Variants in ASIC2 observed in about 807,000 individuals in gnomAD.
ASIC2 encodes acid sensing ion channel subunit 2, also known as acid-sensing ion channel 2.
A neutral mutation model predicts 57.3 loss-of-function variants in ASIC2; 25 were observed. The observed-to-expected ratio is 0.44, with a 90% CI of 0.32 to 0.61. ASIC2 has a LOEUF of 0.61. Ranked by LOEUF, ASIC2 falls within the 20% of genes least tolerant of loss-of-function variation. The pLI is 0.06. For synonymous variants in ASIC2, 319 were observed against 307.5 expected, an observed-to-expected ratio of 1.04 and a Z score of -0.39; for missense variants, 641 against 738.1, an observed-to-expected ratio of 0.87 and a Z score of 1.52.
At chr17:33,867,788 G>A (rs1914281532) in intron 1 of ASIC2, among the ~76,000 whole-genome samples, 1 of 152,190 alleles carries the variant, frequency 6.6e-6, no homozygotes, top group South Asian at 2.1e-4. Flanking sequence ...CTTTTTCTGG[G>A]ATCATGTCTA....
At chr17:33,882,744 C>T (rs1235736301) in intron 1 of ASIC2, among the ~76,000 whole-genome samples, 1 of 152,190 alleles carries the variant, frequency 6.6e-6, no homozygotes, top group Admixed American at 6.5e-5. Flanking sequence ...TTTGACCCAG[C>T]CATCCCGTTA....
chr17:33,494,526 G>C (rs1171326092), intron 1 of ASIC2, among the ~76,000 whole-genome samples: 2 of 152,164 alleles, frequency 1.3e-5, no homozygotes, highest in African/African-American at 4.8e-5. Context: ...AAGGTGCATT[G>C]GGTTTAGCTC....
At chr17:33,876,799 C>G (rs1201989973) in intron 1 of ASIC2, among the ~76,000 whole-genome samples, 2 of 152,186 alleles carry the variant, frequency 1.3e-5, no homozygotes, top group South Asian at 2.1e-4. Flanking sequence ...TTCTGCAGAA[C>G]TGATTCTACT....
chr17:33,721,790 G>T (rs1174699869), intron 1 of ASIC2, among the ~76,000 whole-genome samples: 1 of 152,154 alleles, frequency 6.6e-6, no homozygotes, highest in Non-Finnish European at 1.5e-5. Flanking sequence ...CAGATATCTG[G>T]GTTAGGAACA....
intron 1 of ASIC2, among the ~76,000 whole-genome samples, chr17:33,517,607 T>A (rs944237091): frequency 6.9e-6 from 1 of 144,602 alleles, no homozygotes; most frequent in African/African-American, 2.6e-5. Context: ...TGAGGGTCAA[T>A]GCACACAAGT....
At chr17:33,916,723 G>T (rs1915593124) in intron 1 of ASIC2, among the ~76,000 whole-genome samples, 1 of 152,164 alleles carries the variant, frequency 6.6e-6, no homozygotes, top group Non-Finnish European at 1.5e-5. Context: ...ATGACTTCAA[G>T]GTTTCAGGAT....
At chr17:33,388,504 G>A (rs377426953) in intron 1 of ASIC2, among the ~76,000 whole-genome samples, 12 of 152,178 alleles carry the variant, frequency 7.9e-5, no homozygotes, top group African/African-American at 2.7e-4. Context: ...CCCAGAGGCT[G>A]GCTGCTTACC....
intron 1 of ASIC2, among the ~76,000 whole-genome samples, chr17:33,816,955 A>G (rs1270580290): frequency 1.3e-5 from 2 of 152,250 alleles, no homozygotes; most frequent in Non-Finnish European, 2.9e-5. Context: ...GTCTCTTTCC[A>G]GGGTCTGCCG....
chr17:33,928,114 T>C (rs78182916), intron 1 of ASIC2, among the ~76,000 whole-genome samples: 1 of 151,882 alleles, frequency 6.6e-6, no homozygotes, highest in African/African-American at 2.4e-5. Context: ...AGCTTTTTGG[T>C]TTTTTTCCCC....
chr17:33,961,555 T>G (rs572113859), intron 1 of ASIC2, among the ~76,000 whole-genome samples: 1 of 152,306 alleles, frequency 6.6e-6, no homozygotes, highest in East Asian at 1.9e-4. Context: ...TGCATCGTCC[T>G]CACAGGGGCA....
intron 1 of ASIC2, among the ~76,000 whole-genome samples, chr17:33,713,109 G>A (rs1909103869): frequency 6.6e-6 from 1 of 152,210 alleles, no homozygotes; most frequent in Non-Finnish European, 1.5e-5. Flanking sequence ...ATGACACACT[G>A]TCATGCTTGC....
chr17:33,056,243 G>A lies in ASIC2; in HGVS notation c.988-27851C>T, dbSNP rs146528788. 6.5e-3 allele frequency among the ~76,000 whole-genome samples: 983 copies of A among 152,300 alleles called. 10 individuals carry two copies. Among genetic ancestry groups the A allele is most frequent in the South Asian group, 0.028 (135 of 4,822 alleles). ...CACTGAGATTTTGCTGTAGCCACAG[G>A]TGGACACACCAACACACCCAAAGAT... On this transcript the variant is annotated intron_variant, in intron 3 of 9. Coordinates refer to ENST00000225823, the MANE Select transcript of ASIC2 (RefSeq NM_183377.2).
At chr17:34,075,941 G>A (rs1012891236) in intron 1 of ASIC2, among the ~76,000 whole-genome samples, 1 of 143,870 alleles carries the variant, frequency 7.0e-6, no homozygotes, top group Non-Finnish European at 1.5e-5. Flanking sequence ...TGATTGTCTT[G>A]CCTCAGCCTC....
At chr17:33,064,233 G>A (rs1419020154) in intron 3 of ASIC2, among the ~76,000 whole-genome samples, 4 of 152,174 alleles carry the variant, frequency 2.6e-5, no homozygotes, top group East Asian at 1.9e-4. Context: ...GAGGAGAGGC[G>A]CTCTGATTTT....
intron 1 of ASIC2, among the ~76,000 whole-genome samples, chr17:33,429,004 G>GA (rs1911311641): frequency 6.6e-6 from 1 of 152,146 alleles, no homozygotes; most frequent in African/African-American, 2.4e-5. Context: ...AAAGTGATTA[G>GA]AAAGGGAGTC....
chr17:33,462,089 C>T (rs930292814), intron 1 of ASIC2, among the ~76,000 whole-genome samples: 2 of 152,182 alleles, frequency 1.3e-5, no homozygotes, highest in Non-Finnish European at 2.9e-5. Flanking sequence ...CAGAGTTAAT[C>T]ACAGGGTGTC....
chr17:34,034,912 A>G (rs1907803664), intron 1 of ASIC2, among the ~76,000 whole-genome samples: 1 of 152,198 alleles, frequency 6.6e-6, no homozygotes, highest in Non-Finnish European at 1.5e-5. Flanking sequence ...AGGAAGAATC[A>G]ATATCATGAA....
intron 1 of ASIC2, among the ~76,000 whole-genome samples, chr17:33,275,862 T>C (rs1355954156): frequency 2.6e-5 from 4 of 152,100 alleles, no homozygotes; most frequent in African/African-American, 4.8e-5. Flanking sequence ...AAGAACATGA[T>C]AGATACAGTG....
chr17:33,134,176 G>A (rs1384592526), intron 1 of ASIC2, among the ~76,000 whole-genome samples: 1 of 152,206 alleles, frequency 6.6e-6, no homozygotes, highest in Non-Finnish European at 1.5e-5. Flanking sequence ...AAGTGACTTG[G>A]TGTGGCAGAT....
Sources: gnomAD v4.1 joint callset for allele counts (sites outside exome capture counted in the v4.1 genomes callset) on GRCh38, gnomAD v4.1.1 for gene constraint, MANE v1.5 for transcripts, NCBI Gene and HGNC (gene_info 2026-07-23, HGNC 2026-07-21) for gene names.